Variants in CDH4 observed in about 807,000 individuals in gnomAD.
CDH4 encodes the protein cadherin 4.
Under a neutral mutation model 86.0 loss-of-function variants are expected in CDH4, and 33 were observed. That is an observed-to-expected ratio of 0.38 (90% CI 0.29 to 0.51). The LOEUF (loss-of-function observed/expected upper bound fraction) is 0.51, where lower values mean the gene tolerates loss of function less well. Among genes scored for constraint, CDH4 ranks in the 20% least tolerant of loss-of-function variants. The pLI is 0.86. For synonymous variants in CDH4, 555 were observed against 549.4 expected, an observed-to-expected ratio of 1.01 and a Z score of -0.14; for missense variants, 1,114 against 1,307.4, an observed-to-expected ratio of 0.85 and a Z score of 2.28.
At chr20:61,687,785 A>C (rs1047328294) in intron 2 of CDH4, among the ~76,000 whole-genome samples, 2 of 152,150 alleles carry the variant, frequency 1.3e-5, no homozygotes, top group Admixed American at 6.5e-5. Flanking sequence ...AAAAACCAGA[A>C]ATGTGGTCCG....
chr20:61,719,530 G>T, intron 2 of CDH4: 1 of 206,616 alleles, frequency 4.8e-6, no homozygotes, highest in South Asian at 8.5e-5. Context: ...TTTCTCGGGA[G>T]TCTTTATCTC....
rs540835863 is a variant in CDH4, at chr20:61,582,382, T to G, written c.170-161181T>G. On this transcript the variant is annotated intron_variant, in intron 2 of 15. Transcript: ENST00000614565. This position sits in a 1 kb window ranked among gnomAD's most constrained non-coding sequence, Gnocchi z 4.2. ...AAAAGGCAGCGTGAGCCCTGGGGCT[T>G]TCCCAGGGCCATCCCCCTGCCTGGG... Among the ~76,000 whole-genome samples the G allele has an allele frequency of 2.0e-5, 3 of 152,308 alleles. No individual in the cohort carries two copies. In the South Asian group the frequency reaches 6.2e-4, roughly 32 times the overall value.
chr20:61,491,986 ATGT>A (rs1429488565), intron 2 of CDH4, among the ~76,000 whole-genome samples: 1 of 150,936 alleles, frequency 6.6e-6, no homozygotes, highest in Non-Finnish European at 1.5e-5. Flanking sequence ...AGTATTGTTG[ATGT>A]TGGTGGTGTT....
rs73318384 is a variant in CDH4 at position 61,475,611 on chromosome 20, C to T, written c.169+220674C>T. ...CCCCTCCCTCTCTCCCTGCTCCTCC[C>T]TCCCTCTCTGTCTCTCTCCTTGCCC... On this transcript the variant is annotated intron_variant, in intron 2 of 15. Transcript: ENST00000614565. 1.3e-3 allele frequency among the ~76,000 whole-genome samples: 51 copies of T among 39,048 alleles called. 1 individual carries two copies. The highest frequency in any genetic ancestry group is 5.6e-3 in the African/African-American group (43 of 7,652). 25.6% of individuals were successfully genotyped at this position (39,048 alleles called of 152,430 possible). A position where few individuals can be genotyped will look rare whatever the true frequency, so the allele number is the denominator to read the frequency against.
intron 2 of CDH4, among the ~76,000 whole-genome samples, chr20:61,405,520 T>G (rs1452601512): frequency 6.6e-6 from 1 of 151,960 alleles, no homozygotes; most frequent in Non-Finnish European, 1.5e-5. Context: ...CAATCCCTGG[T>G]GTTCTTACTA....
chr20:61,545,848 G>T (rs1209677511), intron 2 of CDH4, among the ~76,000 whole-genome samples: 1 of 148,482 alleles, frequency 6.7e-6, no homozygotes, highest in Non-Finnish European at 1.5e-5. Flanking sequence ...GTGTGGAGGG[G>T]TATGTGTGCA....
At position 61,924,344 on chromosome 20, in the gene CDH4, C is replaced by G; in HGVS notation, c.1639C>G (p.Leu547Val). ...FMQQAVRYSKLSDPASWLHIN... is the reference protein window; with the variant it reads ...FMQQAVRYSKVSDPASWLHIN... ...TTGTGGTCTCCGCAGATACTCAAAG[C>G]TGTCAGACCCAGCGAGCTGGCTGCA... is the stretch of plus-strand genomic sequence containing the variant. The change falls in exon 11 of 16, where the codon CTG becomes GTG. Residue 547 changes from leucine (L) to valine (V), a missense_variant. Leu to Val is a conservative substitution (Grantham distance 32, BLOSUM62 1). Coordinates refer to ENST00000614565, the MANE Select transcript of CDH4 (RefSeq NM_001794.5). The G allele has an allele frequency of 6.2e-7, 1 of 1,613,276 alleles. No individual in the cohort carries two copies. The highest frequency in any genetic ancestry group is 8.5e-7 in the Non-Finnish European group (1 of 1,179,802).
intron 2 of CDH4, among the ~76,000 whole-genome samples, chr20:61,689,093 T>C (rs2145869393): frequency 6.6e-6 from 1 of 152,388 alleles, no homozygotes; most frequent in African/African-American, 2.4e-5. Context: ...TAGCTGTGAC[T>C]GACTCACACC....
chr20:61,354,237 G>A (rs540992037), intron 2 of CDH4, among the ~76,000 whole-genome samples: 4 of 152,166 alleles, frequency 2.6e-5, no homozygotes, highest in South Asian at 2.1e-4. Flanking sequence ...TCTAAGGAGC[G>A]GAAATGTCTC....
At chr20:61,823,103 T>C (rs1601024833) in intron 4 of CDH4, among the ~76,000 whole-genome samples, 1 of 152,134 alleles carries the variant, frequency 6.6e-6, no homozygotes, top group African/African-American at 2.4e-5. Flanking sequence ...ATTCTCTTGC[T>C]TGGGGAAGGC....
chr20:61,848,402 C>T (rs372541936), intron 5 of CDH4, among the ~76,000 whole-genome samples: 19 of 152,232 alleles, frequency 1.2e-4, no homozygotes, highest in South Asian at 4.1e-4. Context: ...GACAGGGTCT[C>T]GCTCTGTCAC....
intron 2 of CDH4, among the ~76,000 whole-genome samples, chr20:61,346,537 A>C (rs2084680330): frequency 6.6e-6 from 1 of 152,150 alleles, no homozygotes; most frequent in Non-Finnish European, 1.5e-5. Flanking sequence ...TGAGGCCAGG[A>C]GTTCAACACT....
At chr20:61,476,963 A>C (rs2085539843) in intron 2 of CDH4, among the ~76,000 whole-genome samples, 1 of 152,214 alleles carries the variant, frequency 6.6e-6, no homozygotes, top group Admixed American at 6.5e-5. Context: ...AGACCACAGA[A>C]GCCCCGGGAG....
Position 61,521,142 on chromosome 20 carries a change from C to T in CDH4, c.170-222421C>T, listed in dbSNP as rs114933803. On this transcript the variant is annotated intron_variant, in intron 2 of 15. Transcript: ENST00000614565. ...CTGCTTCCCTCTTTGCTTACCCTGA[C>T]GCATTTGTGATGATGACTAATTTCC... Among the ~76,000 whole-genome samples the T allele has an allele frequency of 8.0e-3, 1,224 of 152,310 alleles. 18 individuals are homozygous for T. The highest frequency in any genetic ancestry group is 0.027 in the African/African-American group (1,130 of 41,572).
rs745508945 is a variant in CDH4, at chr20:61,846,226, C to A, written c.732+1403C>A. Among the ~76,000 whole-genome samples the A allele has an allele frequency of 1.2e-4, 18 of 152,230 alleles. 1 individual carries two copies. The highest frequency in any genetic ancestry group is 4.1e-4 in the South Asian group (2 of 4,832). On this transcript the variant is annotated intron_variant, in intron 5 of 15. Coordinates refer to ENST00000614565, the MANE Select transcript of CDH4 (RefSeq NM_001794.5). ...CACGGCTGCCTCCTGGGAAGGCTCACGCCTTGGCTGGGTGTTGGGGAGACC... is the reference window on the plus strand; with the variant it reads ...CACGGCTGCCTCCTGGGAAGGCTCAAGCCTTGGCTGGGTGTTGGGGAGACC...
chr20:61,297,920 C>T (rs751862296), intron 2 of CDH4, among the ~76,000 whole-genome samples: 2 of 152,172 alleles, frequency 1.3e-5, no homozygotes, highest in South Asian at 2.1e-4. Flanking sequence ...CGCCTGTGGC[C>T]GTGGAGGTAT....
At chr20:61,659,545 G>T (rs1235971066) in intron 2 of CDH4, among the ~76,000 whole-genome samples, 1 of 151,958 alleles carries the variant, frequency 6.6e-6, no homozygotes, top group East Asian at 1.9e-4. Flanking sequence ...AGGAGGGTGG[G>T]CCTCAGGCAT....
chr20:61,844,576 G>T, intron 4 of CDH4, 92 bp from the exon 5 acceptor site: 1 of 1,258,748 alleles, frequency 7.9e-7, no homozygotes, highest in South Asian at 1.5e-5. Flanking sequence ...TCGAGCTCGA[G>T]GAACTCATGA....
At chr20:61,440,250 G>A (rs558394788) in intron 2 of CDH4, among the ~76,000 whole-genome samples, 1 of 152,328 alleles carries the variant, frequency 6.6e-6, no homozygotes, top group South Asian at 2.1e-4. Context: ...GCCCATGAGA[G>A]TAGAAGACAC....
Sources: allele counts gnomAD v4.1 joint callset (sites outside exome capture counted in the v4.1 genomes callset), GRCh38; gene constraint gnomAD v4.1.1; non-coding constraint Gnocchi (gnomAD v3.1); transcripts MANE v1.5; gene names NCBI Gene and HGNC (gene_info 2026-07-23, HGNC 2026-07-21).